BRINP3: variants seen among roughly 807,000 people sequenced by gnomAD.
The protein encoded by BRINP3 is BMP/retinoic acid-inducible neural-specific protein 3.
A neutral mutation model predicts 71.0 loss-of-function variants in BRINP3; 19 were observed. That is an observed-to-expected ratio of 0.27 (90% CI 0.19 to 0.39). BRINP3 has a LOEUF of 0.39. Ranked by LOEUF, BRINP3 falls within the 10% of genes least tolerant of loss-of-function variation. The pLI, the probability that BRINP3 is intolerant of heterozygous loss-of-function variation, is 1.00. For missense variants in BRINP3, 959 were observed against 940.8 expected (o/e 1.02, Z -0.25); for synonymous variants, 380 against 337.7 (o/e 1.13, Z -1.37).
At chr1:190,168,911 CAG>C (rs1395703794) in intron 6 of BRINP3, among the ~76,000 whole-genome samples, 2 of 152,140 alleles carry the variant, frequency 1.3e-5, no homozygotes, top group African/African-American at 4.8e-5. Flanking sequence ...TAACTGTAAA[CAG>C]AGAATATCAG....
chr1:190,315,545 A>G (rs2103036048), intron 2 of BRINP3, among the ~76,000 whole-genome samples: 1 of 152,250 alleles, frequency 6.6e-6, no homozygotes, highest in African/African-American at 2.4e-5. Context: ...TAATATTTTT[A>G]TCAAGAATTG....
At chr1:190,181,696 T>A (rs975968299) in intron 6 of BRINP3, among the ~76,000 whole-genome samples, 2 of 152,036 alleles carry the variant, frequency 1.3e-5, no homozygotes, top group Non-Finnish European at 2.9e-5. Context: ...TCATTTATAA[T>A]GTAATTACCT....
chr1:190,353,885 C>A (rs1392084594), intron 2 of BRINP3, among the ~76,000 whole-genome samples: 1 of 151,988 alleles, frequency 6.6e-6, no homozygotes, highest in African/African-American at 2.4e-5. Flanking sequence ...AATCACCTTG[C>A]CTTCTCTGTT....
At chr1:190,193,551 GTTAAC>G (rs1654229077) in intron 6 of BRINP3, among the ~76,000 whole-genome samples, 1 of 152,062 alleles carries the variant, frequency 6.6e-6, no homozygotes, top group Non-Finnish European at 1.5e-5. Flanking sequence ...ACTTGCAAAT[GTTAAC>G]TTAATTAGCA....
At chr1:190,441,373 T>C (rs1479641636) in intron 2 of BRINP3, among the ~76,000 whole-genome samples, 2 of 152,062 alleles carry the variant, frequency 1.3e-5, no homozygotes, top group Non-Finnish European at 2.9e-5. Flanking sequence ...ATAAAAACTA[T>C]ATCTCACATC....
At chr1:190,392,086 A>G (rs139341363) in intron 2 of BRINP3, among the ~76,000 whole-genome samples, 1 of 151,366 alleles carries the variant, frequency 6.6e-6, no homozygotes, top group East Asian at 2.0e-4. Flanking sequence ...TAATTGAAAG[A>G]CTCTTCTGGA....
intron 3 of BRINP3, among the ~76,000 whole-genome samples, chr1:190,270,411 T>C (rs1353141555): frequency 6.6e-6 from 1 of 151,634 alleles, no homozygotes; most frequent in Non-Finnish European, 1.5e-5. Flanking sequence ...AATCCAGTGA[T>C]ACTAATTGTA....
chr1:190,287,832 G>T (rs907343951), intron 2 of BRINP3, among the ~76,000 whole-genome samples: 4 of 152,076 alleles, frequency 2.6e-5, no homozygotes, highest in African/African-American at 4.8e-5. Flanking sequence ...GCACACTTCA[G>T]ATTTTTAAAA....
intron 2 of BRINP3, among the ~76,000 whole-genome samples, chr1:190,441,054 G>A (rs1674782732): frequency 4.0e-5 from 6 of 151,710 alleles, no homozygotes; most frequent in Admixed American, 3.9e-4. Flanking sequence ...AACTAATAGA[G>A]CAACAAGATC....
chr1:190,312,652 G>T (rs1353497149), intron 2 of BRINP3, among the ~76,000 whole-genome samples: 3 of 151,616 alleles, frequency 2.0e-5, no homozygotes, highest in African/African-American at 7.3e-5. Flanking sequence ...AAATATGAGT[G>T]GTTCAAAGGT....
intron 7 of BRINP3, among the ~76,000 whole-genome samples, chr1:190,146,967 A>T (rs1655942025): frequency 6.6e-6 from 1 of 152,026 alleles, no homozygotes; most frequent in Non-Finnish European, 1.5e-5. Flanking sequence ...AATTTCCCTT[A>T]AATTGCCACA....
intron 1 of BRINP3, among the ~76,000 whole-genome samples, chr1:190,464,404 T>A (rs767974063): frequency 6.6e-6 from 1 of 152,100 alleles, no homozygotes; most frequent in East Asian, 1.9e-4. Context: ...CATTCATGAA[T>A]CTTGTAAAAT....
chr1:190,262,501 C>T (rs1661271889), intron 4 of BRINP3, among the ~76,000 whole-genome samples: 1 of 152,166 alleles, frequency 6.6e-6, no homozygotes, highest in Non-Finnish European at 1.5e-5. Flanking sequence ...CTTCTGTTCA[C>T]AATGATATAG....
intron 6 of BRINP3, among the ~76,000 whole-genome samples, chr1:190,184,783 T>G (rs1653361927): frequency 6.6e-6 from 1 of 152,094 alleles, no homozygotes; most frequent in African/African-American, 2.4e-5. Flanking sequence ...CTACCTATCA[T>G]ATACTATATT....
Position 190,144,066 on chromosome 1 carries a change from A to G in BRINP3, c.1184+16602T>C, listed in dbSNP as rs184347115. ...GAAAATCCTCCCTATTTGTTGTACA[A>G]GATTCTTTAAGAGAGGCTGCAGAAA... is the stretch of plus-strand genomic sequence containing the variant. On this transcript the variant is annotated intron_variant, in intron 7 of 7. Transcript: ENST00000367462. Among the ~76,000 whole-genome samples the G allele has an allele frequency of 4.5e-4, 69 of 152,300 alleles. 1 individual carries two copies. The highest frequency in any genetic ancestry group is 1.4e-3 in the Admixed American group (22 of 15,280).
rs113593798 is a variant in BRINP3 at position 190,321,853 on chromosome 1, T to A, written c.237-40103A>T. ...AACCTCACACCATTTGGAAAAATGG[T>A]TGCTCAACATAACAAGAAGTAGTCT... On this transcript the variant is annotated intron_variant, in intron 2 of 7. Transcript: ENST00000367462. 3.2e-3 allele frequency among the ~76,000 whole-genome samples: 493 copies of A among 152,164 alleles called. 5 individuals carry two copies. Among genetic ancestry groups the A allele is most frequent in the African/African-American group, 0.011 (466 of 41,560 alleles).
intron 2 of BRINP3, among the ~76,000 whole-genome samples, chr1:190,302,390 T>A (rs1036814238): frequency 6.6e-6 from 1 of 150,668 alleles, no homozygotes; most frequent in Non-Finnish European, 1.5e-5. Context: ...GACAAATATA[T>A]CAAAACCCAG....
At chr1:190,467,275 T>G (rs1321910056) in intron 1 of BRINP3, among the ~76,000 whole-genome samples, 1 of 151,578 alleles carries the variant, frequency 6.6e-6, no homozygotes, top group Non-Finnish European at 1.5e-5. Context: ...TGTAAGCATC[T>G]TATGAGCAAT....
At chr1:190,363,824 G>A (rs1473697865) in intron 2 of BRINP3, among the ~76,000 whole-genome samples, 1 of 152,132 alleles carries the variant, frequency 6.6e-6, no homozygotes, top group Admixed American at 6.6e-5. Context: ...GAAGATGACA[G>A]AAAATAAACG....
Sources: allele counts gnomAD v4.1 joint callset (sites outside exome capture counted in the v4.1 genomes callset), GRCh38; gene constraint gnomAD v4.1.1; transcripts MANE v1.5; gene names NCBI Gene and HGNC (gene_info 2026-07-23, HGNC 2026-07-21).